The following TENM4 variants were observed in gnomAD, a reference collection of about 807,000 sequenced individuals.
TENM4 encodes teneurin-4.
In TENM4, 82 loss-of-function variants were observed where a neutral mutation model predicts 243.3. The observed-to-expected ratio is 0.34, with a 90% confidence interval of 0.28 to 0.40. TENM4 has a LOEUF of 0.40. Ranked by LOEUF, TENM4 falls within the 10% of genes least tolerant of loss-of-function variation. The pLI is 1.00. For missense variants in TENM4, 3,138 were observed against 3,673.3 expected (o/e 0.85, Z 3.77); for synonymous variants, 1,412 against 1,456.3 (o/e 0.97, Z 0.69).
At chr11:79,149,962 C>T (rs892117981) in intron 3 of TENM4, among the ~76,000 whole-genome samples, 2 of 152,080 alleles carry the variant, frequency 1.3e-5, no homozygotes, top group South Asian at 4.1e-4. Context: ...AAACAATGAC[C>T]ACGTCTGTTA....
chr11:79,110,434 T>C (rs1406387191), intron 4 of TENM4, among the ~76,000 whole-genome samples: 1 of 152,124 alleles, frequency 6.6e-6, no homozygotes, highest in African/African-American at 2.4e-5. Context: ...GCACTGCAGG[T>C]GGACAGCTGC....
chr11:78,792,916 G>A (rs751208925), intron 15 of TENM4, among the ~76,000 whole-genome samples: 1 of 152,118 alleles, frequency 6.6e-6, no homozygotes, highest in Non-Finnish European at 1.5e-5. Context: ...AGTCACACTT[G>A]TTCTCTTTCT....
At chr11:78,808,875 A>G (rs1857440738) in intron 14 of TENM4, among the ~76,000 whole-genome samples, 2 of 152,148 alleles carry the variant, frequency 1.3e-5, no homozygotes, top group South Asian at 4.2e-4. Flanking sequence ...AGATCTTGGA[A>G]CCTCAGAAGG....
intron 18 of TENM4, among the ~76,000 whole-genome samples, chr11:78,769,694 C>T (rs142228367): frequency 1.2e-3 from 187 of 152,230 alleles, no homozygotes; most frequent in African/African-American, 4.3e-3. Context: ...GCTACTGTGG[C>T]CAGCCCCATA....
At chr11:79,164,041 C>T (rs60995876) in intron 3 of TENM4, among the ~76,000 whole-genome samples, 74 of 43,496 alleles carry the variant, frequency 1.7e-3, no homozygotes, top group South Asian at 5.7e-3. Context: ...AGTATATATA[C>T]ACTATAAATA....
At chr11:79,143,176 C>G (rs1195235788) in intron 4 of TENM4, among the ~76,000 whole-genome samples, 2 of 151,930 alleles carry the variant, frequency 1.3e-5, no homozygotes, top group Non-Finnish European at 1.5e-5. Context: ...CCATTACTGG[C>G]TATATACCCA....
At chr11:78,985,485 A>G (rs1436068161) in intron 6 of TENM4, among the ~76,000 whole-genome samples, 1 of 152,186 alleles carries the variant, frequency 6.6e-6, no homozygotes, top group African/African-American at 2.4e-5. Context: ...GGCGTAAAAT[A>G]GTTTAAAGCC....
At chr11:79,112,430 C>G (rs1861527417) in intron 4 of TENM4, among the ~76,000 whole-genome samples, 1 of 151,910 alleles carries the variant, frequency 6.6e-6, no homozygotes, top group African/African-American at 2.4e-5. Flanking sequence ...GTTCACTGCT[C>G]AAGCACACAG....
intron 1 of TENM4, among the ~76,000 whole-genome samples, chr11:79,314,812 C>A (rs1180488790): frequency 6.6e-6 from 1 of 152,162 alleles, no homozygotes; most frequent in African/African-American, 2.4e-5. Flanking sequence ...ACATCACAGT[C>A]ACTTAGAAAA....
At chr11:79,131,565 A>G (rs1180450037) in intron 4 of TENM4, among the ~76,000 whole-genome samples, 8 of 152,220 alleles carry the variant, frequency 5.3e-5, no homozygotes, top group Non-Finnish European at 1.2e-4. Context: ...AAACACATCA[A>G]AACAGAACTT....
chr11:79,037,231 G>T (rs563972793), intron 6 of TENM4, among the ~76,000 whole-genome samples: 30 of 152,246 alleles, frequency 2.0e-4, no homozygotes, highest in Admixed American at 2.0e-3. Context: ...CCTTTAGGAG[G>T]CTCTCTTGCT....
chr11:79,043,497 C>A (rs1859588792), intron 6 of TENM4, among the ~76,000 whole-genome samples: 1 of 152,120 alleles, frequency 6.6e-6, no homozygotes, highest in Admixed American at 6.5e-5. Flanking sequence ...GGAACAAAGT[C>A]TCCCCCCAGC....
chr11:79,023,382 A>C (rs1415678156), intron 6 of TENM4, among the ~76,000 whole-genome samples: 1 of 152,084 alleles, frequency 6.6e-6, no homozygotes, highest in Non-Finnish European at 1.5e-5. Context: ...CATCATGGCA[A>C]AACCCCGTCT....
chr11:78,895,012 ACAATTCTGGCTATTC>A (rs1855757535), intron 7 of TENM4, among the ~76,000 whole-genome samples: 1 of 140,764 alleles, frequency 7.1e-6, no homozygotes, highest in Non-Finnish European at 1.5e-5. Context: ...AAAAAAGAAG[ACAATTCTGGCTATTC>A]AGAATGCTAC....
chr11:78,852,808 A>C (rs981634738), intron 12 of TENM4, among the ~76,000 whole-genome samples: 1 of 152,142 alleles, frequency 6.6e-6, no homozygotes, highest in African/African-American at 2.4e-5. Context: ...GGAGTGCAGT[A>C]GTATGATCAT....
intron 4 of TENM4, among the ~76,000 whole-genome samples, chr11:79,100,113 G>A (rs927537425): frequency 6.6e-6 from 1 of 152,186 alleles, no homozygotes; most frequent in African/African-American, 2.4e-5. Context: ...ACGTTTCCCT[G>A]TCTGTAAAAT....
chr11:79,276,196 C>T (rs1305739073), intron 2 of TENM4, among the ~76,000 whole-genome samples: 3 of 152,208 alleles, frequency 2.0e-5, no homozygotes, highest in Non-Finnish European at 4.4e-5. Flanking sequence ...TTTCATTCAG[C>T]CCCAAAGCTG....
chr11:78,920,586 C>A (rs183839630), intron 6 of TENM4, among the ~76,000 whole-genome samples: 1 of 152,228 alleles, frequency 6.6e-6, no homozygotes, highest in East Asian at 1.9e-4. Flanking sequence ...CACTTACTCA[C>A]ATTGATTTTT....
At chr11:78,987,027 C>T (rs1209300179) in intron 6 of TENM4, among the ~76,000 whole-genome samples, 1 of 152,144 alleles carries the variant, frequency 6.6e-6, no homozygotes, top group East Asian at 1.9e-4. Context: ...ATGTCTGGCC[C>T]ACAGGAAAGG....
Sources: allele counts gnomAD v4.1 joint callset (sites outside exome capture counted in the v4.1 genomes callset), GRCh38; gene constraint gnomAD v4.1.1; transcripts MANE v1.5; gene names NCBI Gene and HGNC (gene_info 2026-07-23, HGNC 2026-07-21).